The following DNAH3 variants were observed in gnomAD, a reference collection of about 807,000 sequenced individuals.
DNAH3 encodes the protein dynein axonemal heavy chain 3, also known as axonemal beta dynein heavy chain 3.
Under a neutral mutation model 432.5 loss-of-function variants are expected in DNAH3, and 332 were observed. That is an observed-to-expected ratio of 0.77 (90% CI 0.70 to 0.84). DNAH3 has a LOEUF of 0.84. Among genes scored for constraint, DNAH3 ranks in the 40% least tolerant of loss-of-function variants. The pLI is 0.00. For missense variants in DNAH3, 4,861 were observed against 5,114.0 expected (o/e 0.95, Z 1.51); for synonymous variants, 1,956 against 1,900.2 (o/e 1.03, Z -0.76).
chr16:20,944,200 A>G (rs1228406043), intron 58 of DNAH3, among the ~76,000 whole-genome samples: 1 of 3,774 alleles, frequency 2.6e-4, no homozygotes. Flanking sequence ...AAAAAGCAAA[A>G]GAAAAAAAAA....
At chr16:21,087,026 C>T (rs757671576) in exon 19 of DNAH3, 28 of 1,613,964 alleles carry the variant, frequency 1.7e-5, no homozygotes, top group East Asian at 4.5e-5. Context: ...CTATCTCCTC[C>T]GCAATTTGCT....
intron 5 of DNAH3, among the ~76,000 whole-genome samples, chr16:21,139,811 G>A (rs1423431788): frequency 1.9e-5 from 2 of 106,684 alleles, no homozygotes; most frequent in South Asian, 3.2e-4. Context: ...ATAGAGCCTC[G>A]CTCTGTTGCC....
intron 18 of DNAH3, among the ~76,000 whole-genome samples, chr16:21,095,340 T>C (rs887524447): frequency 5.3e-5 from 8 of 152,204 alleles, no homozygotes; most frequent in Admixed American, 2.0e-4. Flanking sequence ...GGTGTATCCA[T>C]AGAATGGGAT....
intron 7 of DNAH3, among the ~76,000 whole-genome samples, chr16:21,128,743 C>T (rs554714465): frequency 3.6e-4 from 55 of 151,130 alleles, no homozygotes; most frequent in Non-Finnish European, 6.8e-4. Context: ...CCTGTAATCC[C>T]AGCTACTTAG....
intron 24 of DNAH3, 92 bp downstream of exon 24, chr16:21,067,191 T>C (rs1419865801): frequency 9.3e-6 from 13 of 1,391,746 alleles, no homozygotes; most frequent in East Asian, 4.6e-5. Context: ...ATGGACTAGA[T>C]TGGTTGAAGC....
At chr16:21,153,023 C>G (rs1446551943) in intron 1 of DNAH3, among the ~76,000 whole-genome samples, 1 of 152,208 alleles carries the variant, frequency 6.6e-6, no homozygotes, top group East Asian at 1.9e-4. Context: ...ACCTGCAGCC[C>G]CGGTGCAGGA....
At chr16:20,980,235 TTA>T (rs59370460) in intron 49 of DNAH3, among the ~76,000 whole-genome samples, 4,522 of 107,172 alleles carry the variant, frequency 0.042, 95 homozygotes, top group Middle Eastern at 0.083. Context: ...TTTATTTATA[TTA>T]TATATATAAT....
intron 5 of DNAH3, 25 bp downstream of exon 6, chr16:21,140,511 G>A (rs372181044): frequency 5.7e-5 from 91 of 1,606,080 alleles, no homozygotes; most frequent in Non-Finnish European, 7.5e-5. Flanking sequence ...AGCAAACCGA[G>A]GGAAAGGGGG....
chr16:21,103,024 C>A (rs191382391), intron 16 of DNAH3, among the ~76,000 whole-genome samples: 5 of 152,074 alleles, frequency 3.3e-5, no homozygotes, highest in Non-Finnish European at 2.9e-5. Flanking sequence ...AGCCACTATG[C>A]CCGGCCAGGA....
intron 13 of DNAH3, 47 bp from the exon 14 acceptor site, chr16:21,111,851 T>C: frequency 6.3e-7 from 1 of 1,598,956 alleles, no homozygotes; most frequent in Non-Finnish European, 8.5e-7. Context: ...CTTGAGCCTC[T>C]CCCACTTGCC....
At chr16:21,073,614 A>C (rs1206935468) in intron 21 of DNAH3, among the ~76,000 whole-genome samples, 1 of 152,156 alleles carries the variant, frequency 6.6e-6, no homozygotes, top group Non-Finnish European at 1.5e-5. Flanking sequence ...TGGAAGCAAG[A>C]TCTTTCTGTC....
At chr16:20,955,225 CA>C (rs2084509132) in intron 54 of DNAH3, among the ~76,000 whole-genome samples, 168 bp from the exon 55 acceptor site, 1 of 151,908 alleles carries the variant, frequency 6.6e-6, no homozygotes, top group Admixed American at 6.6e-5. Flanking sequence ...AAAAAAATAA[CA>C]AAAAAGAATA....
chr16:20,946,710 C>A (rs2084059289), intron 57 of DNAH3, among the ~76,000 whole-genome samples: 1 of 151,910 alleles, frequency 6.6e-6, no homozygotes, highest in Non-Finnish European at 1.5e-5. Context: ...GTGTGTTAGG[C>A]CTTAGGGGCA....
At chr16:20,958,908 C>T (rs1449909822) in intron 54 of DNAH3, among the ~76,000 whole-genome samples, 1 of 152,158 alleles carries the variant, frequency 6.6e-6, no homozygotes, top group Non-Finnish European at 1.5e-5. Context: ...GCTGGGATTA[C>T]AGGTGTGCGC....
Position 20,953,657 on chromosome 16 carries a change from G to A in DNAH3, c.11072-1108C>T, listed in dbSNP as rs567460217. ...TATGATCTCCCTTCACTGCAGCCTC[G>A]AACTCCCAGGCTCAAGTGATCCTCC... On this transcript the variant is annotated intron_variant, in intron 55 of 61. Coordinates refer to ENST00000261383, the Ensembl canonical transcript of DNAH3. 3.8e-4 allele frequency among the ~76,000 whole-genome samples: 57 copies of A among 151,430 alleles called. No individual in the cohort carries two copies. The Middle Eastern group carries it at 0.014, about 36-fold the overall frequency.
In DNAH3 at chr16:20,970,596, A is replaced by G. The variant is rs542537370; in HGVS notation, c.8260-606T>C. On this transcript the variant is annotated intron_variant, in intron 51 of 61. Coordinates refer to ENST00000261383, the Ensembl canonical transcript of DNAH3. ...CCACATTTGTTTCTATGCTAAAAACATAATTTAAAATTGCCCCTGAGTCTT... is the reference window on the plus strand; with the variant it reads ...CCACATTTGTTTCTATGCTAAAAACGTAATTTAAAATTGCCCCTGAGTCTT... Among the ~76,000 whole-genome samples, 4 of 152,346 alleles carry G rather than the reference A, an allele frequency of 2.6e-5. No individual in the cohort carries two copies. The East Asian group carries it at 5.8e-4, about 22-fold the overall frequency.
chr16:21,001,662 C>T (rs1401858129), intron 42 of DNAH3, among the ~76,000 whole-genome samples: 4 of 152,128 alleles, frequency 2.6e-5, no homozygotes, highest in Non-Finnish European at 5.9e-5. Flanking sequence ...TGTATTACCC[C>T]CTACAGTCTT....
intron 8 of DNAH3, 59 bp downstream of exon 9, chr16:21,127,628 G>C: frequency 6.3e-7 from 1 of 1,583,532 alleles, no homozygotes; most frequent in Non-Finnish European, 8.6e-7. Flanking sequence ...CTTCATTTCA[G>C]AGGGTTTTCA....
intron 16 of DNAH3, among the ~76,000 whole-genome samples, chr16:21,100,920 T>C (rs1246307125): frequency 1.3e-5 from 2 of 152,216 alleles, no homozygotes; most frequent in African/African-American, 4.8e-5. Context: ...TACCTTAAAA[T>C]ATTACTATTA....
Sources: allele counts gnomAD v4.1 joint callset (sites outside exome capture counted in the v4.1 genomes callset), GRCh38; gene constraint gnomAD v4.1.1; transcripts MANE v1.5; gene names NCBI Gene and HGNC (gene_info 2026-07-23, HGNC 2026-07-21).